PRPSAP1: variants seen among roughly 807,000 people sequenced by gnomAD.
PRPSAP1 encodes the protein phosphoribosyl pyrophosphate synthetase associated protein 1.
PRPSAP1 carries 31 observed loss-of-function variants against 39.4 expected under a neutral mutation model. The ratio of observed to expected loss-of-function variants is 0.79; its 90% confidence interval spans 0.59 to 1.06. The LOEUF is 1.06. PRPSAP1 is among the 50% of genes least tolerant of loss of function. The pLI is 0.00. For missense variants in PRPSAP1, 430 were observed against 511.6 expected (o/e 0.84, Z 1.54); for synonymous variants, 212 against 192.6 (o/e 1.10, Z -0.83).
At chr17:76,352,488 A>C (rs1397040171) in intron 1 of PRPSAP1, among the ~76,000 whole-genome samples, 1 of 151,956 alleles carries the variant, frequency 6.6e-6, no homozygotes, top group Non-Finnish European at 1.5e-5. Flanking sequence ...TACTAAAAAT[A>C]CAAAAAATGA....
At chr17:76,334,154 T>C (rs1469050637) in intron 3 of PRPSAP1, among the ~76,000 whole-genome samples, 1 of 152,088 alleles carries the variant, frequency 6.6e-6, no homozygotes, top group Non-Finnish European at 1.5e-5. Context: ...TCCTGGACTA[T>C]CCACGCATCC....
rs566672302 is a variant in PRPSAP1 at position 76,323,716 on chromosome 17, G to T, written c.781+5001C>A. Among the ~76,000 whole-genome samples the T allele has an allele frequency of 2.7e-5, 4 of 145,818 alleles. No homozygotes were observed. In the South Asian group the frequency reaches 6.5e-4, roughly 24 times the overall value. ...GATAGATAAGCAAAGAAGGTTTTTT[G>T]TTTTTTTTTTTGAGATGAATCTACT... On this transcript the variant is annotated intron_variant, in intron 7 of 9. Transcript: ENST00000446526.
At chr17:76,313,225 A>G (rs2071088037) in intron 8 of PRPSAP1, 2 of 490,668 alleles carry the variant, frequency 4.1e-6, no homozygotes, top group East Asian at 3.5e-5. Context: ...AGGCGGGCGC[A>G]GTCAAGCACC....
chr17:76,349,426 CT>C (rs2071544406), intron 1 of PRPSAP1, among the ~76,000 whole-genome samples: 2 of 151,846 alleles, frequency 1.3e-5, no homozygotes, highest in South Asian at 4.2e-4. Context: ...AAGCATTACT[CT>C]TTTTACAAGT....
At chr17:76,320,334 A>AGGGC (rs2071179832) in intron 7 of PRPSAP1, among the ~76,000 whole-genome samples, 1 of 109,778 alleles carries the variant, frequency 9.1e-6, no homozygotes, top group Admixed American at 8.8e-5. Context: ...GAAGGGAGGG[A>AGGGC]GGGAGGGAGG....
chr17:76,311,525 C>T lies in PRPSAP1; in HGVS notation c.*17G>A, dbSNP rs746465775. The T allele has an allele frequency of 5.6e-6, 9 of 1,610,950 alleles. No individual in the cohort carries two copies. The highest frequency in any genetic ancestry group is 3.3e-5 in the Admixed American group (2 of 59,718). On this transcript the variant is annotated 3_prime_UTR_variant, in exon 10 of 10. Coordinates refer to ENST00000446526, the MANE Select transcript of PRPSAP1 (RefSeq NM_002766.3). ...ATGTTTCCCTCAGGAGGTCCAGGGT[C>T]GAGACCCTCGTGAAAGCTAGTCATC...
At chr17:76,330,394 C>A (rs1567803338) in intron 5 of PRPSAP1, 157 bp downstream of exon 5, 3 of 631,910 alleles carry the variant, frequency 4.7e-6, no homozygotes, top group Non-Finnish European at 8.1e-6. Context: ...AAGCTATGAT[C>A]GTCCACGACT....
At chr17:76,350,534 C>T (rs923409408) in intron 1 of PRPSAP1, among the ~76,000 whole-genome samples, 6 of 152,012 alleles carry the variant, frequency 3.9e-5, no homozygotes, top group Non-Finnish European at 7.3e-5. Context: ...CAGACAAACG[C>T]TATGATTCTA....
intron 7 of PRPSAP1, chr17:76,314,231 T>TGTATGTA: frequency 7.0e-5 from 19 of 271,706 alleles, no homozygotes; most frequent in East Asian, 1.9e-4. Context: ...TATGTATGTA[T>TGTATGTA]TTTTTGAGAC....
chr17:76,321,617 C>A (rs559346532), intron 7 of PRPSAP1, among the ~76,000 whole-genome samples: 8 of 152,232 alleles, frequency 5.3e-5, no homozygotes, highest in Admixed American at 5.2e-4. Flanking sequence ...GTTGGACCTC[C>A]CTATTCCCTG....
intron 3 of PRPSAP1, chr17:76,337,338 T>C (rs191766071): frequency 6.6e-6 from 1 of 152,410 alleles, no homozygotes; most frequent in African/African-American, 2.4e-5. Flanking sequence ...GCAGCACATA[T>C]ACTAAAATTG....
In PRPSAP1 at chr17:76,316,174, TA is replaced by T. The variant is rs1377721818; in HGVS notation, c.782-2284del. 1.7e-3 allele frequency among the ~76,000 whole-genome samples: 122 copies of T among 73,522 alleles called. 1 individual carries two copies. The highest frequency in any genetic ancestry group is 2.5e-3 in the Admixed American group (14 of 5,710). The allele number at this position is 73,522 out of a possible 152,430, so 48.2% of individuals were successfully genotyped here. ...CTGGGCAACAGAGTGAGACTCCGTC[TA>T]AAAAAAAAAAAAAAAAGAAAAAAAA... is the stretch of plus-strand genomic sequence containing the variant. On this transcript the variant is annotated intron_variant, in intron 7 of 9. Coordinates refer to ENST00000446526, the MANE Select transcript of PRPSAP1 (RefSeq NM_002766.3).
chr17:76,325,070 A>G (rs1380689023), intron 7 of PRPSAP1, among the ~76,000 whole-genome samples: 3 of 32,016 alleles, frequency 9.4e-5, no homozygotes, highest in African/African-American at 2.3e-4. Flanking sequence ...GTCTCAAAAC[A>G]AAAAAAAAAA....
At chr17:76,316,518 C>G (rs1348759064) in intron 7 of PRPSAP1, among the ~76,000 whole-genome samples, 5 of 152,096 alleles carry the variant, frequency 3.3e-5, no homozygotes, top group Non-Finnish European at 7.4e-5. Context: ...AAAAAAATGA[C>G]TAGTACCTCA....
chr17:76,330,828 G>C (rs1226083666), intron 4 of PRPSAP1, among the ~76,000 whole-genome samples, 162 bp from the exon 5 acceptor site: 1 of 152,176 alleles, frequency 6.6e-6, no homozygotes, highest in Non-Finnish European at 1.5e-5. Flanking sequence ...CCTTAATAAA[G>C]CCTTAATGTA....
chr17:76,338,844 G>A (rs1477440277), intron 3 of PRPSAP1, among the ~76,000 whole-genome samples: 3 of 151,812 alleles, frequency 2.0e-5, no homozygotes, highest in African/African-American at 4.8e-5. Flanking sequence ...AACCAGCCTG[G>A]CCAACATGGT....
chr17:76,351,130 G>C (rs894271570), intron 1 of PRPSAP1, among the ~76,000 whole-genome samples: 1 of 152,168 alleles, frequency 6.6e-6, no homozygotes, highest in African/African-American at 2.4e-5. Context: ...GGGCGCAGTA[G>C]CTCACGCCTA....
chr17:76,344,112 TTTTG>T (rs904338444), intron 3 of PRPSAP1, among the ~76,000 whole-genome samples: 28 of 151,354 alleles, frequency 1.8e-4, no homozygotes, highest in African/African-American at 6.8e-4. Context: ...CCCAGCTAAC[TTTTG>T]TTTTTTATTC....
chr17:76,352,078 C>A (rs1223412608), intron 1 of PRPSAP1, among the ~76,000 whole-genome samples: 4 of 149,776 alleles, frequency 2.7e-5, no homozygotes, highest in African/African-American at 7.4e-5. Context: ...AAAAAAAAAA[C>A]AAGCAGAGCT....
Sources: allele counts gnomAD v4.1 joint callset (sites outside exome capture counted in the v4.1 genomes callset), GRCh38; gene constraint gnomAD v4.1.1; transcripts MANE v1.5; gene names NCBI Gene and HGNC (gene_info 2026-07-23, HGNC 2026-07-21).